REPS2: variants seen among roughly 807,000 people sequenced by gnomAD.
REPS2 encodes RALBP1 associated Eps domain containing 2.
REPS2 carries 23 observed loss-of-function variants against 53.6 expected under a neutral mutation model. The ratio of observed to expected loss-of-function variants is 0.43; its 90% confidence interval spans 0.31 to 0.61. REPS2 has a LOEUF of 0.61. Among genes scored for constraint, REPS2 ranks in the 20% least tolerant of loss-of-function variants. The pLI, the probability that REPS2 is intolerant of heterozygous loss-of-function variation, is 0.11. For synonymous variants in REPS2, 238 were observed against 218.6 expected, an observed-to-expected ratio of 1.09 and a Z score of -0.78; for missense variants, 446 against 534.9, an observed-to-expected ratio of 0.83 and a Z score of 1.64.
chrX:17,058,218 T>A (rs1212103742), intron 8 of REPS2, among the ~76,000 whole-genome samples: 1 of 109,698 alleles, frequency 9.1e-6, no homozygotes, highest in Non-Finnish European at 1.9e-5. Context: ...ACTTTGGGAG[T>A]CCAAGGCAGG....
chrX:17,026,069 C>T (rs1198498301), intron 4 of REPS2, among the ~76,000 whole-genome samples: 1 of 111,649 alleles, frequency 9.0e-6, no homozygotes, highest in Non-Finnish European at 1.9e-5. Context: ...TAAAGAGAGG[C>T]TGTAATCTTG....
chrX:16,956,968 C>G (rs2060604774), intron 1 of REPS2, among the ~76,000 whole-genome samples: 1 of 112,686 alleles, frequency 8.9e-6, no homozygotes, highest in Non-Finnish European at 1.9e-5. Flanking sequence ...GAAATGTTCA[C>G]TTTGACTGAA....
At chrX:17,040,592 G>A (rs1364400935) in intron 5 of REPS2, among the ~76,000 whole-genome samples, 2 of 111,988 alleles carry the variant, frequency 1.8e-5, no homozygotes, top group Non-Finnish European at 3.8e-5. Flanking sequence ...ATTTGGAATC[G>A]TTTCATGTTA....
intron 1 of REPS2, among the ~76,000 whole-genome samples, chrX:16,950,452 T>C (rs2060493306): frequency 8.9e-6 from 1 of 112,539 alleles, no homozygotes; most frequent in Admixed American, 9.4e-5. Context: ...TTTAGTTTTA[T>C]AAGAAACTGC....
chrX:17,091,948 G>A (rs1254018169), intron 13 of REPS2, among the ~76,000 whole-genome samples: 1 of 112,072 alleles, frequency 8.9e-6, no homozygotes, highest in African/African-American at 3.2e-5. Flanking sequence ...ATATTTAAAA[G>A]TATAGGTCCC....
intron 10 of REPS2, among the ~76,000 whole-genome samples, chrX:17,069,240 T>C (rs930019463): frequency 8.9e-6 from 1 of 111,895 alleles, no homozygotes; most frequent in East Asian, 2.8e-4. Context: ...AGAAAAAGAT[T>C]TGGGACAAGA....
At chrX:17,037,506 G>A (rs2061781157) in intron 5 of REPS2, among the ~76,000 whole-genome samples, 1 of 112,118 alleles carries the variant, frequency 8.9e-6, no homozygotes, top group African/African-American at 3.2e-5. Context: ...AGTAGAGACG[G>A]GGTTTCACCA....
chrX:16,946,707 G>A lies in REPS2; in HGVS notation c.-155G>A. The A allele has an allele frequency of 1.7e-6, 1 of 595,374 alleles. No individual in the cohort carries two copies. Among genetic ancestry groups the A allele is most frequent in the Non-Finnish European group, 2.0e-6 (1 of 496,112 alleles). 49.1% of individuals were successfully genotyped at this position (595,374 alleles called of 1,213,427 possible). ...CGGCGCGCGCCGGGAGGAAGCGGCC[G>A]CGCGGCAGCTGCGGGGCGTGGGGGT... On this transcript the variant is annotated 5_prime_UTR_variant, in exon 1 of 18. Transcript: ENST00000357277.
At chrX:17,034,446 T>C in intron 5 of REPS2, among the ~76,000 whole-genome samples, 1 of 110,965 alleles carries the variant, frequency 9.0e-6, no homozygotes, top group Non-Finnish European at 1.9e-5. Flanking sequence ...ACAGGCATTC[T>C]CCACCATGCC....
chrX:17,120,171 G>A (rs552916126), intron 14 of REPS2, among the ~76,000 whole-genome samples: 1 of 111,766 alleles, frequency 8.9e-6, no homozygotes, highest in African/African-American at 3.3e-5. Flanking sequence ...CACTGTGCAC[G>A]GCCCACACTG....
In REPS2 at chrX:16,947,144, T is replaced by C. The variant is rs758334132; in HGVS notation, c.273+10T>C. On this transcript the variant is annotated intron_variant, in intron 1 of 17. Transcript: ENST00000357277. ...CGAGACGCTGCACCAGGTGGGTCCC[T>C]CCGCCTCCTGTCCCTGCGGGTCTGT... The C allele has an allele frequency of 4.7e-6, 5 of 1,062,671 alleles. No individual in the cohort carries two copies. The highest frequency in any genetic ancestry group is 5.1e-5 in the South Asian group (2 of 39,553). The allele number at this position is 1,062,671 out of a possible 1,213,427, so 87.6% of individuals were successfully genotyped here.
chrX:17,013,297 C>T (rs762730027), intron 2 of REPS2, among the ~76,000 whole-genome samples: 13 of 112,292 alleles, frequency 1.2e-4, no homozygotes, highest in Non-Finnish European at 1.9e-4. Context: ...AATCCTGCTG[C>T]CTTGCTTCCT....
chrX:17,133,598 A>G (rs2063323237), intron 14 of REPS2, among the ~76,000 whole-genome samples: 1 of 111,640 alleles, frequency 9.0e-6, no homozygotes, highest in Non-Finnish European at 1.9e-5. Context: ...AGAAATTCCC[A>G]TGATTCCTTT....
the REPS2 span, among the ~76,000 whole-genome samples, chrX:17,178,305 C>G: frequency 4.5e-3 from 509 of 112,213 alleles, 5 homozygotes; most frequent in Non-Finnish European, 7.9e-3. Context: ...GCTTTTCTGC[C>G]CAGCTAATCT....
chrX:17,127,456 G>C (rs112104052), intron 14 of REPS2, among the ~76,000 whole-genome samples: 2,779 of 111,995 alleles, frequency 0.025, 91 homozygotes, highest in African/African-American at 0.087. Context: ...CTGGTATTTC[G>C]TACTGGAAGA....
the REPS2 span, among the ~76,000 whole-genome samples, chrX:17,182,060 G>T: frequency 8.9e-6 from 1 of 111,741 alleles, no homozygotes; most frequent in African/African-American, 3.3e-5. Context: ...AGAATACAGT[G>T]TTATTTATGA....
At chrX:17,157,107 A>C (rs2063619997), downstream of REPS2, among the ~76,000 whole-genome samples, 1 of 111,956 alleles carries the variant, frequency 8.9e-6, no homozygotes, top group Non-Finnish European at 1.9e-5. Flanking sequence ...GCTTTTAAAT[A>C]GTTTATATCC....
the REPS2 span, among the ~76,000 whole-genome samples, chrX:17,160,433 A>G: frequency 8.9e-6 from 1 of 112,775 alleles, no homozygotes; most frequent in Non-Finnish European, 1.9e-5. Context: ...CCATTTTAGC[A>G]GAAGTCAAAA....
At chrX:17,183,728 G>A in the REPS2 span, among the ~76,000 whole-genome samples, 1 of 112,252 alleles carries the variant, frequency 8.9e-6, no homozygotes, top group African/African-American at 3.2e-5. Flanking sequence ...AGATGGAGAT[G>A]AGATGATGTC....
Sources: gnomAD v4.1 joint callset for allele counts (sites outside exome capture counted in the v4.1 genomes callset) on GRCh38, gnomAD v4.1.1 for gene constraint, MANE v1.5 for transcripts, NCBI Gene and HGNC (gene_info 2026-07-23, HGNC 2026-07-21) for gene names.